The following CLEC14A variants were observed in gnomAD, a reference collection of about 807,000 sequenced individuals.
The protein encoded by CLEC14A is C-type lectin domain family 14 member A.
For synonymous variants in CLEC14A, 349 were observed against 292.0 expected, an observed-to-expected ratio of 1.20 and a Z score of -1.99; for missense variants, 682 against 659.9, an observed-to-expected ratio of 1.03 and a Z score of -0.37.
Position 38,254,536 on chromosome 14 carries a change from T to C in CLEC14A, c.*14A>G. On this transcript the variant is annotated 3_prime_UTR_variant, in exon 1 of 1. Transcript: ENST00000342213. ...GAAAAACTGTTCACAGGAGTGCCCA[T>C]GTCCCCTGTTTCCCTATGCATCACT... 6.5e-7 allele frequency: 1 copy of C among 1,534,160 alleles called. No individual in the cohort carries two copies. The highest frequency in any genetic ancestry group is 8.8e-7 in the Non-Finnish European group (1 of 1,140,550).
Position 38,254,924 on chromosome 14 carries a change from T to C in CLEC14A, c.1099A>G (p.Lys367Glu), listed in dbSNP as rs759627401. ...CTCCCTGATGGGGTGATAGTGGCCT[T>C]TGACTCGGCTTGAAGGGACATTTGA... ...TLQMSLQAES[K>E]ATITPSGSVI... The change falls in exon 1 of 1, where the codon AAG (lysine) becomes GAG (glutamate). Residue 367 changes from lysine (K) to glutamate (E), a missense_variant. Transcript: ENST00000342213. 3 of 1,614,086 alleles carry C rather than the reference T, an allele frequency of 1.9e-6. No individual in the cohort carries two copies. The African/African-American group carries it at 4.0e-5, about 22-fold the overall frequency.
Position 38,255,415 on chromosome 14 carries a change from A to G in CLEC14A, c.608T>C (p.Leu203Pro). 6.2e-7 allele frequency: 1 copy of G among 1,613,396 alleles called. No homozygotes were observed. The highest frequency in any genetic ancestry group is 1.3e-5 in the African/African-American group (1 of 75,068). ...RAPFQLHSAALDFSPPGTEVS... is the reference protein window; with the variant it reads ...RAPFQLHSAAPDFSPPGTEVS... ...CTCGGTCCCAGGTGGACTGAAGTCC[A>G]GAGCGGCGCTGTGCAGCTGGAAGGG... The change falls in exon 1 of 1, where the codon CTG becomes CCG. Residue 203 changes from leucine to proline, a missense_variant. By Grantham distance (98) the Leu-to-Pro change is moderately conservative. Coordinates refer to ENST00000342213, the MANE Select transcript of CLEC14A (RefSeq NM_175060.3). This position sits in a 1 kb window ranked among gnomAD's most constrained non-coding sequence, Gnocchi z 5.1.
In CLEC14A at chr14:38,254,820, T is replaced by C; in HGVS notation, c.1203A>G (p.Ile401Met). ...ACACTACTACTGCTGTGCTCACAAA[T>C]ATGAAGACCACGGCAGAGGAGGAGT... ...AFDSSSAVVF[I>M]FVSTAVVVLV... is the part of the protein sequence containing the mutation. The change falls in exon 1 of 1, where the codon ATA (isoleucine) becomes ATG (methionine). Residue 401 changes from isoleucine (I) to methionine (M), a missense_variant. Ile to Met is a conservative substitution (Grantham distance 10). Coordinates refer to ENST00000342213, the MANE Select transcript of CLEC14A (RefSeq NM_175060.3). 1.2e-6 allele frequency: 2 copies of C among 1,614,034 alleles called. No homozygotes were observed. The highest frequency in any genetic ancestry group is 1.7e-6 in the Non-Finnish European group (2 of 1,180,022).
At position 38,255,782 on chromosome 14, in the gene CLEC14A, G is replaced by A. The variant is rs570682344; in HGVS notation, c.241C>T (p.Pro81Ser). The change falls in exon 1 of 1, where the codon CCA (proline) becomes TCA (serine). Residue 81 changes from proline (P) to serine (S), a missense_variant. By Grantham distance (74) the Pro-to-Ser change is moderately conservative. Transcript: ENST00000342213. This position sits in a 1 kb window ranked among gnomAD's most constrained non-coding sequence, Gnocchi z 5.1. Reference sequence around the variant, plus strand: ...TCTTTGGAGCCCCCTCCGGGCCCTGGGCCTGCCCGCAGGAGCGCGAGCACA... The same window carrying A: ...TCTTTGGAGCCCCCTCCGGGCCCTGAGCCTGCCCGCAGGAGCGCGAGCACA... ...RAVLALLRAG[P>S]GPGGGSKDLL... The A allele has an allele frequency of 1.0e-5, 16 of 1,543,156 alleles. No individual in the cohort carries two copies. The South Asian group carries it at 1.3e-4, about 13-fold the overall frequency.
chr14:38,254,380 A>G lies in CLEC14A; in HGVS notation c.*170T>C, dbSNP rs1273786740. 5.3e-6 allele frequency: 3 copies of G among 567,000 alleles called. No homozygotes were observed. The highest frequency in any genetic ancestry group is 6.7e-5 in the South Asian group (2 of 29,966). 35.1% of individuals were successfully genotyped at this position (567,000 alleles called of 1,614,324 possible). On this transcript the variant is annotated 3_prime_UTR_variant, in exon 1 of 1. Transcript: ENST00000342213. ...TAAAGGCACTTCCACTTCCTCTATC[A>G]TCAGGGAAGGAGTGTGCAGTTCTGA...
In CLEC14A at chr14:38,254,765, G is replaced by A. The variant is rs1319516521; in HGVS notation, c.1258C>T (p.Leu420Phe). ...LVILTMTVLGLVKLCFHESPS... is the reference protein window; with the variant it reads ...LVILTMTVLGFVKLCFHESPS... ...CTTTCGTGAAAGCAGAGCTTGACAA[G>A]CCCCAGTACTGTCATGGTCAAGATC... The change falls in exon 1 of 1, where the codon CTT (leucine) becomes TTT (phenylalanine). Residue 420 changes from leucine to phenylalanine, a missense_variant. Coordinates refer to ENST00000342213, the MANE Select transcript of CLEC14A (RefSeq NM_175060.3). 1 of 1,614,120 alleles carries A rather than the reference G, an allele frequency of 6.2e-7. No homozygotes were observed. Among genetic ancestry groups the A allele is most frequent in the Non-Finnish European group, 8.5e-7 (1 of 1,179,998 alleles).
Position 38,254,575 on chromosome 14 carries a change from G to A in CLEC14A, c.1448C>T (p.Ser483Phe). The change falls in exon 1 of 1, where the codon TCC (serine) becomes TTC (phenylalanine). Residue 483 changes from serine (S) to phenylalanine (F), a missense_variant. Physicochemically the swap from Ser to Phe is radical, Grantham distance 155. Coordinates refer to ENST00000342213, the MANE Select transcript of CLEC14A (RefSeq NM_175060.3). ...DRAEGALLAE[S>F]PLGSSDA ...CTATGCATCACTAGAGCCAAGAGGG[G>A]ACTCCGCCAGCAAGGCACCCTCTGC... The A allele has an allele frequency of 5.0e-6, 8 of 1,596,582 alleles. No individual in the cohort carries two copies. Among genetic ancestry groups the A allele is most frequent in the Non-Finnish European group, 6.8e-6 (8 of 1,168,790 alleles).
Position 38,255,388 on chromosome 14 carries a change from A to T in CLEC14A, c.635T>A (p.Val212Glu). The change falls in exon 1 of 1, where the codon GTG becomes GAG. Residue 212 changes from valine to glutamate, a missense_variant. Physicochemically the swap from Val to Glu is moderately radical, Grantham distance 121. Transcript: ENST00000342213. This position sits in a 1 kb window ranked among gnomAD's most constrained non-coding sequence, Gnocchi z 5.1. Reference protein sequence around the residue: ...ALDFSPPGTEVSALCRGQLPI... With the variant: ...ALDFSPPGTEESALCRGQLPI... ...GAGCTGTCCCCGGCAGAGCGCACTC[A>T]CCTCGGTCCCAGGTGGACTGAAGTC... 2 of 1,613,406 alleles carry T rather than the reference A, an allele frequency of 1.2e-6. No homozygotes were observed. The highest frequency in any genetic ancestry group is 1.7e-6 in the Non-Finnish European group (2 of 1,179,998).
chr14:38,255,198 C>G lies in CLEC14A; in HGVS notation c.825G>C (p.Thr275=). Residue 275 remains threonine, a synonymous_variant, in exon 1 of 1, where the codon ACG becomes ACC. Coordinates refer to ENST00000342213, the MANE Select transcript of CLEC14A (RefSeq NM_175060.3). The surrounding 1 kb of genome is among the most constrained non-coding windows in gnomAD (Gnocchi z 5.1). ...DLGGFACECA[T]GFELGKDGRS... Reference sequence around the variant, plus strand: ...GGCCGTCCTTCCCCAGCTCGAAGCCCGTAGCACATTCGCAGGCAAAGCCTC... The same window carrying G: ...GGCCGTCCTTCCCCAGCTCGAAGCCGGTAGCACATTCGCAGGCAAAGCCTC... 6.2e-7 allele frequency: 1 copy of G among 1,613,866 alleles called. No individual in the cohort carries two copies. The highest frequency in any genetic ancestry group is 8.5e-7 in the Non-Finnish European group (1 of 1,180,032).
In CLEC14A at chr14:38,255,512, A is replaced by G. The variant is rs368742520; in HGVS notation, c.511T>C (p.Cys171Arg). 3.8e-5 allele frequency: 62 copies of G among 1,613,068 alleles called. No homozygotes were observed. The highest frequency in any genetic ancestry group is 4.8e-5 in the Non-Finnish European group (57 of 1,180,006). ...RCHLRANGYL[C>R]KYQFEVLCPA... ...CACAAGACCTCAAACTGGTACTTGCACAGGTAGCCGTTGGCGCGCAGGTGG... is the reference window on the plus strand; with the variant it reads ...CACAAGACCTCAAACTGGTACTTGCGCAGGTAGCCGTTGGCGCGCAGGTGG... The change falls in exon 1 of 1, where the codon TGC becomes CGC. Residue 171 changes from cysteine (C) to arginine (R), a missense_variant. Coordinates refer to ENST00000342213, the MANE Select transcript of CLEC14A (RefSeq NM_175060.3). The surrounding 1 kb of genome is among the most constrained non-coding windows in gnomAD (Gnocchi z 5.1).
Position 38,255,016 on chromosome 14 carries a change from T to A in CLEC14A, c.1007A>T (p.Gln336Leu). ...AGGAATAGATGTTACTGAATTGTCT[T>A]GTTCAGGGACAAGTGGTGTCTCTCC... ...KLGETPLVPE[Q>L]DNSVTSIPEI... Residue 336 changes from glutamine (Q) to leucine (L), a missense_variant, in exon 1 of 1, where the codon CAA (glutamine) becomes CTA (leucine). Coordinates refer to ENST00000342213, the MANE Select transcript of CLEC14A (RefSeq NM_175060.3). This position sits in a 1 kb window ranked among gnomAD's most constrained non-coding sequence, Gnocchi z 5.1. The A allele has an allele frequency of 6.2e-7, 1 of 1,614,016 alleles. No homozygotes were observed. Among genetic ancestry groups the A allele is most frequent in the Non-Finnish European group, 8.5e-7 (1 of 1,180,018 alleles).
Position 38,254,873 on chromosome 14 carries a change from T to A in CLEC14A, c.1150A>T (p.Thr384Ser). 1 of 1,614,064 alleles carries A rather than the reference T, an allele frequency of 6.2e-7. No homozygotes were observed. The highest frequency in any genetic ancestry group is 8.5e-7 in the Non-Finnish European group (1 of 1,179,998). Residue 384 changes from threonine to serine, a missense_variant, in exon 1 of 1, where the codon ACT becomes TCT. Thr to Ser is a moderately conservative substitution (Grantham distance 58, BLOSUM62 1). Transcript: ENST00000342213. ...GSVISKFNSTTSSATPQAFDS... is the reference protein window; with the variant it reads ...GSVISKFNSTSSSATPQAFDS... ...AAAGCCTGAGGAGTGGCAGAGGAAG[T>A]CGTAGAATTAAACTTGGAAATCACG...
Position 38,254,486 on chromosome 14 carries a change from C to T in CLEC14A, c.*64G>A. ...TTGTCAGTTACACAAGTAAGTTCCT[C>T]TTGGTTCCCCGTTTCATCAAAAGTG... On this transcript the variant is annotated 3_prime_UTR_variant, in exon 1 of 1. Transcript: ENST00000342213. 1 of 1,449,990 alleles carries T rather than the reference C, an allele frequency of 6.9e-7. No homozygotes were observed. Among genetic ancestry groups the T allele is most frequent in the Non-Finnish European group, 9.3e-7 (1 of 1,077,114 alleles). The allele number at this position is 1,449,990 out of a possible 1,614,324, so 89.8% of individuals were successfully genotyped here.
rs1884048832 is a variant in CLEC14A at position 38,255,937 on chromosome 14, G to A, written c.86C>T (p.Ala29Val). The A allele has an allele frequency of 6.4e-7, 1 of 1,563,996 alleles. No homozygotes were observed. Among genetic ancestry groups the A allele is most frequent in the Non-Finnish European group, 8.6e-7 (1 of 1,158,632 alleles). The change falls in exon 1 of 1, where the codon GCT becomes GTT. Residue 29 changes from alanine to valine, a missense_variant. Physicochemically the swap from Ala to Val is moderately conservative, Grantham distance 64 (BLOSUM62 0). Coordinates refer to ENST00000342213, the MANE Select transcript of CLEC14A (RefSeq NM_175060.3). This position sits in a 1 kb window ranked among gnomAD's most constrained non-coding sequence, Gnocchi z 5.1. ...GGGEHPTADRAGCSASGACYS... is the reference protein window; with the variant it reads ...GGGEHPTADRVGCSASGACYS... ...GCAGGCCCCCGAGGCCGAGCAGCCA[G>A]CACGGTCGGCAGTGGGGTGTTCGCC...
rs752177134 is a variant in CLEC14A, at chr14:38,255,186, C to T, written c.837G>A (p.Leu279=). 2.1e-5 allele frequency: 34 copies of T among 1,613,714 alleles called. No homozygotes were observed. Among genetic ancestry groups the T allele is most frequent in the Non-Finnish European group, 2.9e-5 (34 of 1,180,042 alleles). ...FACECATGFE[L]GKDGRSCVTS... ...TCACACAAGAGCGGCCGTCCTTCCC[C>T]AGCTCGAAGCCCGTAGCACATTCGC... Residue 279 remains leucine (L), a synonymous_variant, in exon 1 of 1, where the codon CTG becomes CTA. Coordinates refer to ENST00000342213, the MANE Select transcript of CLEC14A (RefSeq NM_175060.3). This position sits in a 1 kb window ranked among gnomAD's most constrained non-coding sequence, Gnocchi z 5.1.
rs772037422 is a variant in CLEC14A at position 38,255,617 on chromosome 14, G to T, written c.406C>A (p.Arg136Ser). Residue 136 changes from arginine to serine, a missense_variant, in exon 1 of 1, where the codon CGC becomes AGC. Coordinates refer to ENST00000342213, the MANE Select transcript of CLEC14A (RefSeq NM_175060.3). The surrounding 1 kb of genome is among the most constrained non-coding windows in gnomAD (Gnocchi z 5.1). ...DTLQWVEEPQ[R>S]SCTARRCAVL... ...GCGCATCTCCGCGCGGTGCAGGAGC[G>T]TTGGGGCTCCTCCACCCACTGCAGC... is the stretch of plus-strand genomic sequence containing the variant. The T allele has an allele frequency of 1.2e-6, 2 of 1,610,280 alleles. No individual in the cohort carries two copies. The highest frequency in any genetic ancestry group is 3.3e-5 in the Admixed American group (2 of 59,980).
rs754610181 is a variant in CLEC14A, at chr14:38,255,928, G to A, written c.95C>T (p.Ser32Leu). ...CAGGCTGTAGCAGGCCCCCGAGGCC[G>A]AGCAGCCAGCACGGTCGGCAGTGGG... is the stretch of plus-strand genomic sequence containing the variant. Reference protein sequence around the residue: ...EHPTADRAGCSASGACYSLHH... With the variant: ...EHPTADRAGCLASGACYSLHH... Residue 32 changes from serine (S) to leucine (L), a missense_variant, in exon 1 of 1, where the codon TCG becomes TTG. Transcript: ENST00000342213. This position sits in a 1 kb window ranked among gnomAD's most constrained non-coding sequence, Gnocchi z 5.1. 1.9e-6 allele frequency: 3 copies of A among 1,565,390 alleles called. No individual in the cohort carries two copies. The highest frequency in any genetic ancestry group is 1.4e-5 in the African/African-American group (1 of 73,802).
Position 38,255,488 on chromosome 14 carries a change from A to G in CLEC14A, c.535T>C (p.Cys179Arg), listed in dbSNP as rs1430354921. ...GCGGCCCCGGGGCGCGGCGCAGGACACAAGACCTCAAACTGGTACTTGCAC... is the reference window on the plus strand; with the variant it reads ...GCGGCCCCGGGGCGCGGCGCAGGACGCAAGACCTCAAACTGGTACTTGCAC... ...YLCKYQFEVL[C>R]PAPRPGAASN... The change falls in exon 1 of 1, where the codon TGT becomes CGT. Residue 179 changes from cysteine to arginine, a missense_variant. Cys to Arg is a radical substitution (Grantham distance 180). Coordinates refer to ENST00000342213, the MANE Select transcript of CLEC14A (RefSeq NM_175060.3). This position sits in a 1 kb window ranked among gnomAD's most constrained non-coding sequence, Gnocchi z 5.1. 8 of 1,613,114 alleles carry G rather than the reference A, an allele frequency of 5.0e-6. No homozygotes were observed. The highest frequency in any genetic ancestry group is 1.1e-5 in the South Asian group (1 of 91,078).
chr14:38,255,864 G>C lies in CLEC14A; in HGVS notation c.159C>G (p.Ala53=), dbSNP rs757625739. ...TGAGCGCCCCACCTCGCAGGATGCA[G>C]GCCTCCTCGGCCGCCTGCCGCTTCA... ...ATMKRQAAEE[A]CILRGGALST... is the part of the protein sequence containing the mutation. Residue 53 remains alanine (A), a synonymous_variant, in exon 1 of 1, where the codon GCC becomes GCG. Coordinates refer to ENST00000342213, the MANE Select transcript of CLEC14A (RefSeq NM_175060.3). This position sits in a 1 kb window ranked among gnomAD's most constrained non-coding sequence, Gnocchi z 5.1. 7 of 1,554,624 alleles carry C rather than the reference G, an allele frequency of 4.5e-6. No individual in the cohort carries two copies. In the African/African-American group the frequency reaches 9.5e-5, roughly 21 times the overall value.
Sources: gnomAD v4.1 joint callset for allele counts on GRCh38, gnomAD v4.1.1 for gene constraint, Gnocchi (gnomAD v3.1) non-coding constraint, MANE v1.5 for transcripts, NCBI Gene and HGNC (gene_info 2026-07-23, HGNC 2026-07-21) for gene names.